The following ACO1 variants were observed in gnomAD, a reference collection of about 807,000 sequenced individuals.
The protein encoded by ACO1 is cytoplasmic aconitate hydratase.
In ACO1, 78 loss-of-function variants were observed where a neutral mutation model predicts 105.1. The observed-to-expected ratio is 0.74, with a 90% CI of 0.62 to 0.90. The LOEUF is 0.90. Among genes scored for constraint, ACO1 ranks in the 40% least tolerant of loss-of-function variants. The pLI is 0.00. For synonymous variants in ACO1, 364 were observed against 397.4 expected (o/e 0.92, Z 1.00); for missense variants, 965 against 1,111.1 (o/e 0.87, Z 1.87).
intron 17 of ACO1, chr9:32,435,867 T>C (rs963511482): frequency 2.8e-5 from 10 of 357,556 alleles, no homozygotes; most frequent in Non-Finnish European, 4.4e-5. Context: ...CTGATTTGCC[T>C]ACCCTAATTC....
intron 14 of ACO1, among the ~76,000 whole-genome samples, chr9:32,430,853 C>T (rs1284750855): frequency 6.6e-6 from 1 of 152,168 alleles, no homozygotes; most frequent in African/African-American, 2.4e-5. Flanking sequence ...CTTTCTAGCT[C>T]TCACTTTAAT....
chr9:32,395,225 C>T (rs1438302351), intron 1 of ACO1, among the ~76,000 whole-genome samples: 10 of 152,122 alleles, frequency 6.6e-5, no homozygotes, highest in Non-Finnish European at 4.4e-5. Context: ...CCTATAACCC[C>T]AGCAATTTGG....
chr9:32,419,230 C>T, intron 7 of ACO1, 53 bp downstream of exon 7: 2 of 1,479,764 alleles, frequency 1.4e-6, no homozygotes, highest in African/African-American at 1.4e-5. Flanking sequence ...TGATAGCTTT[C>T]CAATGGAGGG....
intron 13 of ACO1, among the ~76,000 whole-genome samples, chr9:32,429,719 A>G (rs2118508140): frequency 6.6e-6 from 1 of 152,304 alleles, no homozygotes; most frequent in South Asian, 2.1e-4. Flanking sequence ...TGGAGATGAT[A>G]ATAGTATCTA....
At chr9:32,423,555 A>T in intron 9 of ACO1, 136 bp downstream of exon 9, 1 of 688,662 alleles carries the variant, frequency 1.5e-6, no homozygotes. Context: ...GAGTTTTAGA[A>T]GGTTGAAAAA....
chr9:32,443,407 C>A (rs1432793984), intron 19 of ACO1, among the ~76,000 whole-genome samples: 1 of 152,014 alleles, frequency 6.6e-6, no homozygotes, highest in Admixed American at 6.6e-5. Context: ...AAATGAGGGC[C>A]TATAAAAGTC....
intron 12 of ACO1, among the ~76,000 whole-genome samples, chr9:32,429,099 T>C (rs981251850): frequency 2.0e-5 from 3 of 152,194 alleles, no homozygotes; most frequent in Non-Finnish European, 2.9e-5. Context: ...TTTATTCATG[T>C]GCCTCATAAA....
At chr9:32,416,097 C>CT (rs11421318) in intron 4 of ACO1, among the ~76,000 whole-genome samples, 67,445 of 137,780 alleles carry the variant, frequency 0.49, 16,582 homozygotes, top group Non-Finnish European at 0.53. Flanking sequence ...AATATGTTTT[C>CT]TTTTTTTTTT....
intron 19 of ACO1, among the ~76,000 whole-genome samples, chr9:32,446,129 CT>C (rs1415078667): frequency 6.6e-6 from 1 of 152,158 alleles, no homozygotes; most frequent in Non-Finnish European, 1.5e-5. Flanking sequence ...ATTAGGTCAG[CT>C]TTGTCCAGAG....
At chr9:32,388,585 G>A (rs958614974) in intron 1 of ACO1, among the ~76,000 whole-genome samples, 4 of 152,106 alleles carry the variant, frequency 2.6e-5, no homozygotes, top group African/African-American at 9.7e-5. Flanking sequence ...TACACTGTGT[G>A]TGTATACCTG....
intron 8 of ACO1, among the ~76,000 whole-genome samples, chr9:32,422,871 A>T (rs974897617): frequency 1.3e-5 from 2 of 152,256 alleles, no homozygotes; most frequent in African/African-American, 4.8e-5. Flanking sequence ...CACAGTGCCC[A>T]GAAAGTGCTC....
At chr9:32,441,350 C>T (rs1327352912) in intron 19 of ACO1, among the ~76,000 whole-genome samples, 1 of 152,132 alleles carries the variant, frequency 6.6e-6, no homozygotes, top group Non-Finnish European at 1.5e-5. Flanking sequence ...GGGTGGGGTA[C>T]ACATGGCTTA....
chr9:32,418,406 T>C lies in ACO1; in HGVS notation c.553T>C (p.Leu185=). Residue 185 remains leucine, a synonymous_variant, in exon 6 of 21, where the codon TTG becomes CTG. Transcript: ENST00000309951. The part of the protein sequence containing the change: ...GIIHQVNLEY[L]ARVVFDQDGY... ...CATCCACCAGGTGAATTTGGAATAT[T>C]TGGCAAGAGTGGTATTTGATCAGGA... 6.2e-7 allele frequency: 1 copy of C among 1,614,226 alleles called. No homozygotes were observed. Among genetic ancestry groups the C allele is most frequent in the Non-Finnish European group, 8.5e-7 (1 of 1,180,032 alleles).
intron 9 of ACO1, 65 bp from the exon 10 acceptor site, chr9:32,424,484 G>A (rs1822043075): frequency 9.4e-7 from 1 of 1,059,714 alleles, no homozygotes; most frequent in Non-Finnish European, 1.4e-6. Flanking sequence ...TCTCTGACAT[G>A]CTTTGGGTTT....
chr9:32,416,401 G>A (rs996212586), intron 4 of ACO1, among the ~76,000 whole-genome samples: 2 of 152,084 alleles, frequency 1.3e-5, no homozygotes, highest in African/African-American at 2.4e-5. Context: ...CTCCAGATGT[G>A]TTTTCTATGA....
At chr9:32,432,290 A>G (rs1822256447) in intron 15 of ACO1, among the ~76,000 whole-genome samples, 1 of 152,256 alleles carries the variant, frequency 6.6e-6, no homozygotes, top group Admixed American at 6.5e-5. Flanking sequence ...AAACTACTGA[A>G]ATAAAACTTT....
At chr9:32,385,530 G>C (rs183804909) in intron 1 of ACO1, among the ~76,000 whole-genome samples, 1 of 152,310 alleles carries the variant, frequency 6.6e-6, no homozygotes, top group Admixed American at 6.5e-5. Context: ...AAAAAGAATA[G>C]TGAACTAATT....
rs1225891772 is a variant in ACO1, at chr9:32,450,230, G to A, written c.*119G>A. 1 of 803,120 alleles carries A rather than the reference G, an allele frequency of 1.2e-6. No homozygotes were observed. Among genetic ancestry groups the A allele is most frequent in the Admixed American group, 1.8e-5 (1 of 55,880 alleles). 49.7% of individuals were successfully genotyped at this position (803,120 alleles called of 1,614,324 possible). A position where few individuals can be genotyped will look rare whatever the true frequency, so the allele number is the denominator to read the frequency against. Reference sequence around the variant, plus strand: ...GGGTGCTGCCTTGTAGATGGAGCAAGTGAGCACTGAGGGTCTGGTGCCAAT... The same window carrying A: ...GGGTGCTGCCTTGTAGATGGAGCAAATGAGCACTGAGGGTCTGGTGCCAAT... On this transcript the variant is annotated 3_prime_UTR_variant, in exon 21 of 21. Transcript: ENST00000309951.
At position 32,454,463 on chromosome 9, in the gene ACO1, A is replaced by C. The variant is rs1169796435; in HGVS notation, c.*4352A>C. On this transcript the variant is annotated 3_prime_UTR_variant, in exon 21 of 21. Coordinates refer to ENST00000309951, the MANE Select transcript of ACO1 (RefSeq NM_002197.3). ...ACAGGCCAGGACCACAGAGATAACA[A>C]GGTGGTAGTTGTGTAACAGGTTGTG... 6.8e-6 allele frequency: 1 copy of C among 147,344 alleles called. No individual in the cohort carries two copies. The highest frequency in any genetic ancestry group is 1.9e-4 in the East Asian group (1 of 5,196). 9.1% of individuals were successfully genotyped at this position (147,344 alleles called of 1,614,324 possible).
Sources: allele counts gnomAD v4.1 joint callset (sites outside exome capture counted in the v4.1 genomes callset), GRCh38; gene constraint gnomAD v4.1.1; transcripts MANE v1.5; gene names NCBI Gene and HGNC (gene_info 2026-07-23, HGNC 2026-07-21).